The following KMT2C variants were observed in gnomAD, a reference collection of about 807,000 sequenced individuals.
The protein encoded by KMT2C is lysine methyltransferase 2C.
A neutral mutation model predicts 507.9 loss-of-function variants in KMT2C; 88 were observed. The ratio of observed to expected loss-of-function variants is 0.17; its 90% CI spans 0.15 to 0.21. KMT2C has a LOEUF of 0.21. Ranked by LOEUF, KMT2C falls within the 10% of genes least tolerant of loss-of-function variation. KMT2C has a pLI of 1.00. For missense variants in KMT2C, 4,954 were observed against 5,957.8 expected (o/e 0.83, Z 5.55); for synonymous variants, 2,049 against 2,080.8 (o/e 0.98, Z 0.42).
At chr7:152,400,571 C>G (rs758574872) in intron 1 of KMT2C, among the ~76,000 whole-genome samples, 1 of 152,174 alleles carries the variant, frequency 6.6e-6, no homozygotes, top group Non-Finnish European at 1.5e-5. Context: ...CTGGAGCAAT[C>G]CCTTCAAAAC....
chr7:152,174,325 T>C (rs2093099740), intron 38 of KMT2C, 83 bp from the exon 39 acceptor site: 1 of 660,224 alleles, frequency 1.5e-6, no homozygotes, highest in Admixed American at 3.2e-5. Flanking sequence ...TACAAGCTCT[T>C]AAATTTTATT....
intron 1 of KMT2C, among the ~76,000 whole-genome samples, chr7:152,422,517 A>C (rs1293497016): frequency 6.6e-6 from 1 of 152,114 alleles, no homozygotes; most frequent in Non-Finnish European, 1.5e-5. Context: ...GAAAGCAGTC[A>C]CTACCAATCA....
At chr7:152,180,272 C>T in intron 36 of KMT2C, 146 bp from the exon 37 acceptor site, 1 of 832,190 alleles carries the variant, frequency 1.2e-6, no homozygotes, top group Non-Finnish European at 1.9e-6. Context: ...CCTCCTGTCT[C>T]AGCCTCTCAA....
intron 1 of KMT2C, among the ~76,000 whole-genome samples, chr7:152,426,784 G>A (rs1375484086): frequency 6.6e-6 from 1 of 152,014 alleles, no homozygotes; most frequent in Non-Finnish European, 1.5e-5. Context: ...CTACAGGTGA[G>A]GCAACCATAG....
chr7:152,181,109 G>C lies in KMT2C; in HGVS notation c.6751C>G (p.Leu2251Val), dbSNP rs771211866. ...PVLMPNQDPF[L>V]QAAQNRGPAL... is the part of the protein sequence containing the mutation. ...GGTCCTCGGTTTTGTGCTGCTTGCA[G>C]GAAAGGATCCTGATTTGGCATGAGG... is the stretch of plus-strand genomic sequence containing the variant. The change falls in exon 36 of 59, where the codon CTG becomes GTG. Residue 2251 changes from leucine to valine, a missense_variant. Physicochemically the swap from Leu to Val is conservative, Grantham distance 32 (BLOSUM62 1). Coordinates refer to ENST00000262189, the MANE Select transcript of KMT2C (RefSeq NM_170606.3). 4 of 1,614,042 alleles carry C rather than the reference G, an allele frequency of 2.5e-6. No homozygotes were observed. In the African/African-American group the frequency reaches 5.3e-5, roughly 22 times the overall value.
chr7:152,314,842 CCT>C (rs2096708650), intron 4 of KMT2C, among the ~76,000 whole-genome samples: 1 of 152,072 alleles, frequency 6.6e-6, no homozygotes, highest in South Asian at 2.1e-4. Flanking sequence ...GAACTCCCTC[CCT>C]CTCAGCTTGT....
chr7:152,178,495 G>A (rs1355190242), intron 37 of KMT2C, among the ~76,000 whole-genome samples: 1 of 152,134 alleles, frequency 6.6e-6, no homozygotes, highest in African/African-American at 2.4e-5. Flanking sequence ...TGATGGGATA[G>A]AATAAACTTA....
rs373378915 is a variant in KMT2C at position 152,162,995 on chromosome 7, T to C, written c.10582A>G (p.Asn3528Asp). Reference protein sequence around the residue: ...DSPSIPVGSPNFSSVKQGHGN... With the variant: ...DSPSIPVGSPDFSSVKQGHGN... The stretch of plus-strand genomic sequence containing the variant: ...TGTCCCTGCTTCACAGAAGAAAAAT[T>C]TGGGCTTCCAACAGGGATTGATGGT... Residue 3528 changes from asparagine to aspartate, a missense_variant, in exon 43 of 59, where the codon AAT becomes GAT. Asn to Asp is a conservative substitution (Grantham distance 23). Around this residue, in one of 29 missense-constraint regions of KMT2C, gnomAD observed 801 missense variants for 751.2 expected, o/e 1.07. Coordinates refer to ENST00000262189, the MANE Select transcript of KMT2C (RefSeq NM_170606.3). 16 of 1,614,016 alleles carry C rather than the reference T, an allele frequency of 9.9e-6. No homozygotes were observed. The highest frequency in any genetic ancestry group is 1.3e-5 in the Non-Finnish European group (15 of 1,180,028).
In KMT2C at chr7:152,357,017, C is replaced by T. The variant is rs1350533777; in HGVS notation, c.250+1570G>A. On this transcript the variant is annotated intron_variant, in intron 2 of 58. Transcript: ENST00000262189. ...GGGAGGTGGGTGGATCACCTGAGGT[C>T]AGGAGTTCGAGACCAGCCTCGTCAA... Among the ~76,000 whole-genome samples the T allele has an allele frequency of 4.7e-5, 7 of 149,870 alleles. No homozygotes were observed. In the East Asian group the frequency reaches 1.4e-3, roughly 30 times the overall value.
chr7:152,148,026 A>T lies in KMT2C; in HGVS notation c.13894+7T>A. 6.4e-7 allele frequency: 1 copy of T among 1,564,060 alleles called. No individual in the cohort carries two copies. Among genetic ancestry groups the T allele is most frequent in the Non-Finnish European group, 8.7e-7 (1 of 1,151,000 alleles). ...GCACTGCACAGCATGTGAACGGCAG[A>T]CGTTACCTTTAGGTGAGATGTCACT... is the stretch of plus-strand genomic sequence containing the variant. On this transcript the variant is annotated splice_region_variant and intron_variant, in intron 52 of 58. Transcript: ENST00000262189. The surrounding 1 kb of genome is among the most constrained non-coding windows in gnomAD (Gnocchi z 7.1).
chr7:152,324,331 G>C (rs764790010), intron 3 of KMT2C, among the ~76,000 whole-genome samples: 1 of 150,688 alleles, frequency 6.6e-6, no homozygotes, highest in Non-Finnish European at 1.5e-5. Context: ...TAAATTTCAA[G>C]TAACAAATGA....
chr7:152,158,529 T>G (rs2092243874), intron 44 of KMT2C, among the ~76,000 whole-genome samples: 1 of 152,050 alleles, frequency 6.6e-6, no homozygotes, highest in Non-Finnish European at 1.5e-5. Flanking sequence ...TTTGTTTTTT[T>G]TTTTGAGACA....
chr7:152,332,619 G>A (rs1362913642), intron 2 of KMT2C, among the ~76,000 whole-genome samples: 4 of 152,150 alleles, frequency 2.6e-5, no homozygotes, highest in African/African-American at 7.2e-5. Context: ...GCCAAGGTGG[G>A]CGGATAACCT....
At chr7:152,356,241 A>C (rs1413131885) in intron 2 of KMT2C, among the ~76,000 whole-genome samples, 4 of 152,204 alleles carry the variant, frequency 2.6e-5, no homozygotes, top group Non-Finnish European at 5.9e-5. Flanking sequence ...GGGTGTTGGA[A>C]GTTTCAGGAG....
chr7:152,318,391 G>A (rs929968502), intron 3 of KMT2C, among the ~76,000 whole-genome samples: 1 of 151,780 alleles, frequency 6.6e-6, no homozygotes, highest in African/African-American at 2.4e-5. Flanking sequence ...ATCACCTGAG[G>A]TCAGTTCGAA....
At chr7:152,428,573 G>C (rs1051718666) in intron 1 of KMT2C, among the ~76,000 whole-genome samples, 12 of 150,552 alleles carry the variant, frequency 8.0e-5, no homozygotes, top group African/African-American at 2.9e-4. Flanking sequence ...AGAGGTTGCA[G>C]TGAGCCGAGA....
chr7:152,196,959 G>C (rs1451902706), intron 27 of KMT2C, among the ~76,000 whole-genome samples: 1 of 152,168 alleles, frequency 6.6e-6, no homozygotes, highest in Non-Finnish European at 1.5e-5. Flanking sequence ...TAAGATTTTA[G>C]AGATTATGGG....
chr7:152,398,673 T>C (rs534218073), intron 1 of KMT2C, among the ~76,000 whole-genome samples: 1 of 152,044 alleles, frequency 6.6e-6, no homozygotes, highest in South Asian at 2.1e-4. Flanking sequence ...GTATTGAGAT[T>C]ATAAGCGTGA....
intron 1 of KMT2C, among the ~76,000 whole-genome samples, chr7:152,420,258 C>T (rs1387236317): frequency 6.6e-6 from 1 of 152,174 alleles, no homozygotes; most frequent in Non-Finnish European, 1.5e-5. Flanking sequence ...TTTTAAGTCA[C>T]CTATAATCTA....
Sources: allele counts gnomAD v4.1 joint callset (sites outside exome capture counted in the v4.1 genomes callset), GRCh38; gene constraint gnomAD v4.1.1; regional missense constraint gnomAD v4.1.1; non-coding constraint Gnocchi (gnomAD v3.1); transcripts MANE v1.5; gene names NCBI Gene and HGNC (gene_info 2026-07-23, HGNC 2026-07-21).